Variants in PREX1 observed in about 807,000 individuals in gnomAD.
PREX1 encodes phosphatidylinositol-3,4,5-trisphosphate dependent Rac exchange factor 1.
A neutral mutation model predicts 198.3 loss-of-function variants in PREX1; 41 were observed. The ratio of observed to expected loss-of-function variants is 0.21; its 90% CI spans 0.16 to 0.27. The LOEUF (loss-of-function observed/expected upper bound fraction) is 0.27. Among genes scored for constraint, PREX1 ranks in the 10% least tolerant of loss-of-function variants. PREX1 has a pLI of 1.00. For synonymous variants in PREX1, 843 were observed against 887.2 expected, an observed-to-expected ratio of 0.95 and a Z score of 0.89; for missense variants, 1,620 against 2,200.7, an observed-to-expected ratio of 0.74 and a Z score of 5.28.
intron 6 of PREX1, 34 bp downstream of exon 6, chr20:48,708,226 C>G (rs533314771): frequency 6.2e-7 from 1 of 1,605,170 alleles, no homozygotes; most frequent in Non-Finnish European, 8.5e-7. Flanking sequence ...TGGCCCCCTG[C>G]GGCCCAGGAA....
chr20:48,732,088 A>C (rs997691596), intron 4 of PREX1, among the ~76,000 whole-genome samples: 19 of 152,246 alleles, frequency 1.2e-4, no homozygotes, highest in Non-Finnish European at 8.8e-5. Flanking sequence ...GGGGTCTTGC[A>C]GTAACGTGAC....
intron 1 of PREX1, among the ~76,000 whole-genome samples, chr20:48,756,101 A>C (rs73911677): frequency 0.016 from 2,445 of 152,272 alleles, 63 homozygotes; most frequent in African/African-American, 0.056. Context: ...ATGAGATGGA[A>C]AGATTTACCT....
In PREX1 at chr20:48,624,591, C is replaced by T. The variant is rs1174650080; in HGVS notation, c.*1294G>A. ...ACCACCTGCCAGGGGTGACAGGCGT[C>T]CCCCCGCTTCCTCCCCAGCTGTGAC... On this transcript the variant is annotated 3_prime_UTR_variant, in exon 40 of 40. Coordinates refer to ENST00000371941, the MANE Select transcript of PREX1 (RefSeq NM_020820.4). 1 of 152,278 alleles carries T rather than the reference C, an allele frequency of 6.6e-6. No individual in the cohort carries two copies. Among genetic ancestry groups the T allele is most frequent in the Admixed American group, 6.5e-5 (1 of 15,284 alleles). 9.4% of individuals were successfully genotyped at this position (152,278 alleles called of 1,614,324 possible).
At chr20:48,828,987 G>A (rs73122609), upstream of PREX1, among the ~76,000 whole-genome samples, 687 of 152,344 alleles carry the variant, frequency 4.5e-3, no homozygotes, top group Non-Finnish European at 7.6e-3. Flanking sequence ...TGCTGGCCGG[G>A]TGGCCTTGGG....
At chr20:48,860,833 C>CAAA in the PREX1 span, among the ~76,000 whole-genome samples, 2 of 110,828 alleles carry the variant, frequency 1.8e-5, no homozygotes, top group African/African-American at 3.4e-5. Flanking sequence ...GACTCTGCCT[C>CAAA]AAAAAAAAAA....
chr20:48,766,344 G>A (rs1022821002), intron 1 of PREX1, among the ~76,000 whole-genome samples: 1 of 152,102 alleles, frequency 6.6e-6, no homozygotes, highest in Non-Finnish European at 1.5e-5. Context: ...GTGACACAAA[G>A]GGATCGTCAC....
In PREX1 at chr20:48,676,183, A is replaced by T; in HGVS notation, c.1665+10T>A. ...GAACACTGGTCACACACCCCTGAGG[A>T]GGCCCTCACCTGAGCCAGCAGCCAG... On this transcript the variant is annotated intron_variant, in intron 14 of 39. Transcript: ENST00000371941. The T allele has an allele frequency of 6.2e-7, 1 of 1,612,160 alleles. No individual in the cohort carries two copies. The highest frequency in any genetic ancestry group is 8.5e-7 in the Non-Finnish European group (1 of 1,178,220).
intron 3 of PREX1, among the ~76,000 whole-genome samples, chr20:48,737,280 T>C (rs1024720738): frequency 7.9e-5 from 10 of 126,372 alleles, no homozygotes; most frequent in Non-Finnish European, 1.6e-4. Context: ...GCAGATAGAC[T>C]CGTGGGTTTA....
chr20:48,821,966 T>A (rs1013046232), intron 1 of PREX1: 1 of 152,192 alleles, frequency 6.6e-6, no homozygotes, highest in African/African-American at 2.4e-5. Flanking sequence ...AACGACCTGT[T>A]GATGACTTCA....
intron 15 of PREX1, among the ~76,000 whole-genome samples, chr20:48,661,464 T>TAC (rs1262997618): frequency 1.0e-4 from 11 of 106,084 alleles, no homozygotes; most frequent in African/African-American, 5.0e-4. Context: ...TATATATATA[T>TAC]ATATACACAC....
rs561096380 is a variant in PREX1 at position 48,778,685 on chromosome 20, A to T, written c.220-30805T>A. Among the ~76,000 whole-genome samples, 3 of 152,332 alleles carry T rather than the reference A, an allele frequency of 2.0e-5. No individual in the cohort carries two copies. In the South Asian group the frequency reaches 6.2e-4, roughly 32 times the overall value. On this transcript the variant is annotated intron_variant, in intron 1 of 39. Coordinates refer to ENST00000371941, the MANE Select transcript of PREX1 (RefSeq NM_020820.4). ...CACAGATCAATGGAACAGAAAAGAG[A>T]GTACAGGAATTGACCCACACAAATA... is the stretch of plus-strand genomic sequence containing the variant.
In PREX1 at chr20:48,794,754, G is replaced by C. The variant is rs183637131; in HGVS notation, c.219+32888C>G. 2.6e-5 allele frequency among the ~76,000 whole-genome samples: 4 copies of C among 152,330 alleles called. No homozygotes were observed. The East Asian group carries it at 7.7e-4, about 29-fold the overall frequency. ...GGGGCCCCGGCTGCCTACAGTCCTC[G>C]GGGACTGGGCCTTGGATGTTGGGGA... On this transcript the variant is annotated intron_variant, in intron 1 of 39. Coordinates refer to ENST00000371941, the MANE Select transcript of PREX1 (RefSeq NM_020820.4).
At chr20:48,661,468 TACAC>T (rs778376565) in intron 15 of PREX1, among the ~76,000 whole-genome samples, 9 of 76,806 alleles carry the variant, frequency 1.2e-4, no homozygotes, top group African/African-American at 6.0e-4. Flanking sequence ...TATATATATA[TACAC>T]ACACATATAT....
At chr20:48,670,774 T>C (rs572703467) in intron 14 of PREX1, among the ~76,000 whole-genome samples, 4 of 152,324 alleles carry the variant, frequency 2.6e-5, no homozygotes, top group African/African-American at 9.6e-5. Flanking sequence ...CGATCATTAA[T>C]ACCAAGCGTT....
intron 14 of PREX1, among the ~76,000 whole-genome samples, chr20:48,675,464 C>T (rs1040815499): frequency 1.3e-5 from 2 of 152,182 alleles, no homozygotes; most frequent in Non-Finnish European, 2.9e-5. Flanking sequence ...TTCCAACATA[C>T]GCTACAACAT....
chr20:48,715,540 C>G (rs867221438), intron 5 of PREX1, among the ~76,000 whole-genome samples: 1 of 152,286 alleles, frequency 6.6e-6, no homozygotes, highest in Non-Finnish European at 1.5e-5. Context: ...GGGCCTTGCA[C>G]AAGTGGCCTC....
chr20:48,867,684 G>A, the PREX1 span, among the ~76,000 whole-genome samples: 1 of 148,838 alleles, frequency 6.7e-6, no homozygotes, highest in African/African-American at 2.6e-5. Context: ...CAGGAGAATC[G>A]CTTGAGAGGC....
intron 33 of PREX1, among the ~76,000 whole-genome samples, chr20:48,634,246 C>G (rs916267398): frequency 2.7e-5 from 4 of 150,644 alleles, no homozygotes; most frequent in South Asian, 2.1e-4. Flanking sequence ...AAAATAGACA[C>G]AGAGAGAAAG....
chr20:48,647,940 C>G (rs1375009260), intron 25 of PREX1, among the ~76,000 whole-genome samples: 1 of 152,148 alleles, frequency 6.6e-6, no homozygotes, highest in Admixed American at 6.5e-5. Context: ...GGGTCTCGTT[C>G]TTTCACCCAG....
Sources: allele counts gnomAD v4.1 joint callset (sites outside exome capture counted in the v4.1 genomes callset), GRCh38; gene constraint gnomAD v4.1.1; transcripts MANE v1.5; gene names NCBI Gene and HGNC (gene_info 2026-07-23, HGNC 2026-07-21).